Variants in CAMKMT observed in about 807,000 individuals in gnomAD.
CAMKMT encodes the protein CaM KMT.
Under a neutral mutation model 48.0 loss-of-function variants are expected in CAMKMT, and 53 were observed. The ratio of observed to expected loss-of-function variants is 1.10; its 90% CI spans 0.89 to 1.39. The LOEUF is 1.39. Ranked by LOEUF, CAMKMT falls within the 40% of genes most tolerant of loss-of-function variation. The probability of loss-of-function intolerance (pLI) is 0.00; values close to 1 mark genes in which losing one functional copy is unlikely to be tolerated. For missense variants in CAMKMT, 428 were observed against 402.7 expected, an observed-to-expected ratio of 1.06 and a Z score of -0.54; for synonymous variants, 165 against 152.3, an observed-to-expected ratio of 1.08 and a Z score of -0.61.
intron 3 of CAMKMT, among the ~76,000 whole-genome samples, chr2:44,530,588 A>T (rs188477206): frequency 1.1e-4 from 17 of 152,214 alleles, no homozygotes; most frequent in African/African-American, 3.8e-4. Flanking sequence ...ATTTTTCCCA[A>T]TCGGGTACTT....
chr2:44,374,117 CAAAAAAAA>C (rs59922847), intron 2 of CAMKMT, among the ~76,000 whole-genome samples: 101 of 66,378 alleles, frequency 1.5e-3, no homozygotes, highest in African/African-American at 5.2e-3. Context: ...GACTCTGCCT[CAAAAAAAA>C]AAAAAAAAAA....
chr2:44,690,933 C>T (rs934456465), intron 3 of CAMKMT, among the ~76,000 whole-genome samples: 4 of 151,758 alleles, frequency 2.6e-5, no homozygotes, highest in Non-Finnish European at 5.9e-5. Flanking sequence ...CCGAGATCGC[C>T]CCACTGCACT....
chr2:44,492,409 A>G (rs775102483), intron 3 of CAMKMT, among the ~76,000 whole-genome samples: 95 of 152,310 alleles, frequency 6.2e-4, no homozygotes, highest in Non-Finnish European at 1.1e-3. Context: ...ATTAAACTGT[A>G]AAGTTTCTGA....
At chr2:44,588,226 G>T (rs1265517447) in intron 3 of CAMKMT, among the ~76,000 whole-genome samples, 1 of 116,308 alleles carries the variant, frequency 8.6e-6, no homozygotes. Context: ...GAGAAGTGAG[G>T]AGCCCCTCCG....
chr2:44,713,633 A>T (rs1036934537), intron 6 of CAMKMT, among the ~76,000 whole-genome samples: 2 of 152,128 alleles, frequency 1.3e-5, no homozygotes, highest in Non-Finnish European at 2.9e-5. Flanking sequence ...TGCATACAGG[A>T]AAGTTCACCC....
Position 44,535,994 on chromosome 2 carries a change from A to G in CAMKMT, c.376+145689A>G, listed in dbSNP as rs959233021. 8.5e-5 allele frequency among the ~76,000 whole-genome samples: 13 copies of G among 152,340 alleles called. No homozygotes were observed. In the East Asian group the frequency reaches 2.1e-3, roughly 25 times the overall value. ...AAAAGACTCCACCAAAAAACTCATT[A>G]AACTGTTAAATTCAGTAAAGTTGCA... On this transcript the variant is annotated intron_variant, in intron 3 of 10. Transcript: ENST00000378494.
At chr2:44,726,135 G>A (rs1031525629) in intron 7 of CAMKMT, among the ~76,000 whole-genome samples, 1 of 152,144 alleles carries the variant, frequency 6.6e-6, no homozygotes, top group East Asian at 1.9e-4. Flanking sequence ...TTTCTTTGGG[G>A]TATATACCCA....
chr2:44,472,651 A>G (rs1668482910), intron 3 of CAMKMT, among the ~76,000 whole-genome samples: 1 of 152,236 alleles, frequency 6.6e-6, no homozygotes, highest in South Asian at 2.1e-4. Context: ...CCTGTCACCT[A>G]GGAGCCCACA....
intron 2 of CAMKMT, among the ~76,000 whole-genome samples, chr2:44,383,576 C>T (rs1680477803): frequency 6.6e-6 from 1 of 152,012 alleles, no homozygotes; most frequent in Non-Finnish European, 1.5e-5. Flanking sequence ...GATTTTGGTT[C>T]ACCCATCAGC....
In CAMKMT at chr2:44,627,697, CTTTTTTTTTTTTTTTTT is replaced by C. The variant is rs1174344846; in HGVS notation, c.377-76572_377-76556del. ...TTATTTATAATGGTCCCATTTTATC[CTTTTTTTTTTTTTTTTT>C]TTTTTTTTTTTTTGAGATGGAGTCT... On this transcript the variant is annotated intron_variant, in intron 3 of 10. Coordinates refer to ENST00000378494, the MANE Select transcript of CAMKMT (RefSeq NM_024766.5). 9.3e-5 allele frequency among the ~76,000 whole-genome samples: 7 copies of C among 75,098 alleles called. 1 individual carries two copies. The highest frequency in any genetic ancestry group is 3.0e-4 in the African/African-American group (5 of 16,718). The allele number at this position is 75,098 out of a possible 152,430, so 49.3% of individuals were successfully genotyped here. A position where few individuals can be genotyped will look rare whatever the true frequency, so the allele number is the denominator to read the frequency against.
intron 3 of CAMKMT, among the ~76,000 whole-genome samples, chr2:44,462,598 T>C (rs1384287348): frequency 1.3e-5 from 2 of 152,180 alleles, no homozygotes; most frequent in African/African-American, 4.8e-5. Flanking sequence ...TATTCATATA[T>C]CTATATGAAT....
intron 1 of CAMKMT, among the ~76,000 whole-genome samples, chr2:44,363,098 CT>C (rs1375949227): frequency 6.6e-6 from 1 of 152,088 alleles, no homozygotes. Flanking sequence ...CTTGAGTCAC[CT>C]TTTCATACAG....
chr2:44,398,047 T>A (rs146857104), intron 3 of CAMKMT, among the ~76,000 whole-genome samples: 1 of 152,344 alleles, frequency 6.6e-6, no homozygotes, highest in African/African-American at 2.4e-5. Flanking sequence ...ACTGAGTAGT[T>A]TTCCTTTGTC....
chr2:44,739,453 A>T lies in CAMKMT; in HGVS notation c.624-4169A>T, dbSNP rs1031377474. 5.9e-5 allele frequency among the ~76,000 whole-genome samples: 9 copies of T among 152,238 alleles called. No homozygotes were observed. The South Asian group carries it at 6.2e-4, about 11-fold the overall frequency. ...GATGGAATTACCAATAACGAGATTT[A>T]AAAAAGACTGAATGAAGTGAGTTTT... is the stretch of plus-strand genomic sequence containing the variant. On this transcript the variant is annotated intron_variant, in intron 7 of 10. Coordinates refer to ENST00000378494, the MANE Select transcript of CAMKMT (RefSeq NM_024766.5).
At chr2:44,446,573 T>C (rs1067407) in intron 3 of CAMKMT, among the ~76,000 whole-genome samples, 108,876 of 151,844 alleles carry the variant, frequency 0.72, 39,516 homozygotes, top group Middle Eastern at 0.82. Context: ...CTTGAACTCC[T>C]GGCCTCAAGT....
intron 3 of CAMKMT, among the ~76,000 whole-genome samples, chr2:44,623,221 T>TA (rs1240908791): frequency 6.6e-6 from 1 of 152,162 alleles, no homozygotes; most frequent in East Asian, 1.9e-4. Flanking sequence ...AGATTCTAGA[T>TA]ATTAGGCCTT....
At chr2:44,459,947 C>T (rs899146348) in intron 3 of CAMKMT, among the ~76,000 whole-genome samples, 2 of 152,182 alleles carry the variant, frequency 1.3e-5, no homozygotes, top group African/African-American at 2.4e-5. Flanking sequence ...TATGCTAATG[C>T]AAGCCTGATG....
chr2:44,448,369 A>G (rs1667115635), intron 3 of CAMKMT, among the ~76,000 whole-genome samples: 1 of 152,204 alleles, frequency 6.6e-6, no homozygotes, highest in Non-Finnish European at 1.5e-5. Flanking sequence ...AATATCCACT[A>G]CACTTTACCT....
intron 3 of CAMKMT, among the ~76,000 whole-genome samples, chr2:44,564,690 G>T (rs1668515919): frequency 6.6e-6 from 1 of 152,078 alleles, no homozygotes; most frequent in South Asian, 2.1e-4. Flanking sequence ...ACAAGCATGT[G>T]CCACCATGCC....
Sources: gnomAD v4.1 joint callset for allele counts (sites outside exome capture counted in the v4.1 genomes callset) on GRCh38, gnomAD v4.1.1 for gene constraint, MANE v1.5 for transcripts, NCBI Gene and HGNC (gene_info 2026-07-23, HGNC 2026-07-21) for gene names.